The following TMCC1 variants were observed in gnomAD, a reference collection of about 807,000 sequenced individuals.
The protein encoded by TMCC1 is transmembrane and coiled-coil domains protein 1.
A neutral mutation model predicts 52.4 loss-of-function variants in TMCC1; 15 were observed. The ratio of observed to expected loss-of-function variants is 0.29; its 90% confidence interval spans 0.19 to 0.44. The LOEUF is 0.44. Ranked by LOEUF, TMCC1 falls within the 20% of genes least tolerant of loss-of-function variation. The pLI is 1.00. For missense variants in TMCC1, 503 were observed against 806.0 expected, an observed-to-expected ratio of 0.62 and a Z score of 4.55; for synonymous variants, 279 against 301.9, an observed-to-expected ratio of 0.92 and a Z score of 0.79.
intron 4 of TMCC1, among the ~76,000 whole-genome samples, chr3:129,740,819 C>T (rs2051391438): frequency 6.6e-6 from 1 of 152,126 alleles, no homozygotes; most frequent in African/African-American, 2.4e-5. Flanking sequence ...TTCTTTGACT[C>T]CTGAACAAAA....
chr3:129,826,721 A>C (rs954026199), intron 4 of TMCC1, among the ~76,000 whole-genome samples: 4 of 151,944 alleles, frequency 2.6e-5, no homozygotes, highest in Non-Finnish European at 5.9e-5. Flanking sequence ...TAAAAAAAAA[A>C]CCTTAGGAAA....
At chr3:129,719,460 A>AG (rs1267709660) in intron 4 of TMCC1, among the ~76,000 whole-genome samples, 2 of 152,136 alleles carry the variant, frequency 1.3e-5, no homozygotes, top group African/African-American at 4.8e-5. Flanking sequence ...GAATCCAAGG[A>AG]GGGGGCTGTG....
intron 6 of TMCC1, 66 bp downstream of exon 6, chr3:129,654,902 G>A (rs149648866): frequency 3.9e-5 from 61 of 1,560,084 alleles, no homozygotes; most frequent in East Asian, 1.4e-4. Flanking sequence ...TTTTCCTTCC[G>A]CTGTTTTCCT....
chr3:129,740,378 G>A (rs2051356839), intron 4 of TMCC1, among the ~76,000 whole-genome samples: 1 of 152,184 alleles, frequency 6.6e-6, no homozygotes, highest in South Asian at 2.1e-4. Flanking sequence ...TGATAACTTA[G>A]TAGCACAAGT....
intron 4 of TMCC1, among the ~76,000 whole-genome samples, chr3:129,748,579 C>A (rs984328672): frequency 6.6e-6 from 1 of 152,066 alleles, no homozygotes; most frequent in Non-Finnish European, 1.5e-5. Flanking sequence ...TGAGCCACTG[C>A]GCTTGGCCTT....
chr3:129,687,693 A>C (rs1349581331), intron 4 of TMCC1, among the ~76,000 whole-genome samples: 2 of 152,222 alleles, frequency 1.3e-5, no homozygotes, highest in Non-Finnish European at 2.9e-5. Flanking sequence ...TCAAACAGCA[A>C]TGACAATGAA....
intron 4 of TMCC1, among the ~76,000 whole-genome samples, chr3:129,732,819 T>C (rs1286844567): frequency 2.6e-5 from 4 of 152,200 alleles, no homozygotes; most frequent in Non-Finnish European, 4.4e-5. Flanking sequence ...TTGAGGTTCA[T>C]GGTGCAAGAG....
intron 1 of TMCC1, among the ~76,000 whole-genome samples, chr3:129,892,218 C>T (rs1258798315): frequency 2.0e-5 from 3 of 152,200 alleles, no homozygotes; most frequent in Admixed American, 6.5e-5. Flanking sequence ...CTATAAGCAG[C>T]TCAAAACTCT....
chr3:129,720,328 T>A (rs145379647), intron 4 of TMCC1, among the ~76,000 whole-genome samples: 1 of 152,160 alleles, frequency 6.6e-6, no homozygotes, highest in Non-Finnish European at 1.5e-5. Context: ...AAGCAGAGGC[T>A]TAAAAAGTAT....
chr3:129,683,509 T>C lies in TMCC1; in HGVS notation c.577-12245A>G, dbSNP rs190206483. Among the ~76,000 whole-genome samples, 7 of 152,348 alleles carry C rather than the reference T, an allele frequency of 4.6e-5. No individual in the cohort carries two copies. In the East Asian group the frequency reaches 1.3e-3, roughly 29 times the overall value. On this transcript the variant is annotated intron_variant, in intron 4 of 6. Coordinates refer to ENST00000393238, the MANE Select transcript of TMCC1 (RefSeq NM_001017395.5). ...CCCATGTCTGATCTTTGACAGACTGTAGTTCTAGCATTACTTGGTTACCTG... is the reference window on the plus strand; with the variant it reads ...CCCATGTCTGATCTTTGACAGACTGCAGTTCTAGCATTACTTGGTTACCTG...
intron 2 of TMCC1, among the ~76,000 whole-genome samples, chr3:129,858,416 G>A (rs2060240223): frequency 6.6e-6 from 1 of 152,072 alleles, no homozygotes; most frequent in Non-Finnish European, 1.5e-5. Flanking sequence ...TGTCACTCAG[G>A]CTGGAGTGCA....
At chr3:129,723,038 G>C (rs1368209450) in intron 4 of TMCC1, among the ~76,000 whole-genome samples, 1 of 152,096 alleles carries the variant, frequency 6.6e-6, no homozygotes, top group East Asian at 1.9e-4. Flanking sequence ...AATCTCCTTT[G>C]CTTTAGTATT....
intron 1 of TMCC1, among the ~76,000 whole-genome samples, chr3:129,892,912 G>A (rs1462139081): frequency 3.3e-5 from 5 of 152,266 alleles, no homozygotes; most frequent in Middle Eastern, 6.8e-3. Flanking sequence ...TCCTGAGGCC[G>A]AGACCAAGCC....
At chr3:129,674,963 G>A (rs2088278638) in intron 4 of TMCC1, among the ~76,000 whole-genome samples, 1 of 152,036 alleles carries the variant, frequency 6.6e-6, no homozygotes, top group Admixed American at 6.5e-5. Flanking sequence ...GCCTCTTCCT[G>A]AGTAGCTGGG....
At chr3:129,806,529 A>T (rs1031336468) in intron 4 of TMCC1, among the ~76,000 whole-genome samples, 2 of 152,204 alleles carry the variant, frequency 1.3e-5, no homozygotes, top group African/African-American at 2.4e-5. Flanking sequence ...CTTGCAATAA[A>T]CTAGTCTCTG....
chr3:129,783,825 A>C (rs2055744093), intron 4 of TMCC1, among the ~76,000 whole-genome samples: 1 of 152,218 alleles, frequency 6.6e-6, no homozygotes, highest in African/African-American at 2.4e-5. Flanking sequence ...TCTTTTCGTC[A>C]CACCAAAAAG....
At chr3:129,728,810 T>C (rs1418711740) in intron 4 of TMCC1, among the ~76,000 whole-genome samples, 1 of 152,204 alleles carries the variant, frequency 6.6e-6, no homozygotes, top group African/African-American at 2.4e-5. Flanking sequence ...GAGTGTCACA[T>C]AAACAGAATC....
At chr3:129,734,465 T>C (rs1482796147) in intron 4 of TMCC1, among the ~76,000 whole-genome samples, 1 of 152,170 alleles carries the variant, frequency 6.6e-6, no homozygotes, top group Non-Finnish European at 1.5e-5. Context: ...GTGGGCAGAC[T>C]GCTTAAGCTC....
intron 2 of TMCC1, chr3:129,848,069 G>C (rs1553890043): frequency 6.6e-6 from 1 of 152,106 alleles, no homozygotes; most frequent in Non-Finnish European, 1.5e-5. Context: ...TCCTCTGTCA[G>C]ACACACGTTC....
Sources: gnomAD v4.1 joint callset for allele counts (sites outside exome capture counted in the v4.1 genomes callset) on GRCh38, gnomAD v4.1.1 for gene constraint, MANE v1.5 for transcripts, NCBI Gene and HGNC (gene_info 2026-07-23, HGNC 2026-07-21) for gene names.